Variants in KPNA6 observed in about 807,000 individuals in gnomAD.
KPNA6 encodes the protein karyopherin subunit alpha 6, also known as importin subunit alpha-7.
KPNA6 carries 9 observed loss-of-function variants against 72.0 expected under a neutral mutation model. The ratio of observed to expected loss-of-function variants is 0.13; its 90% CI spans 0.08 to 0.22. The LOEUF is 0.22. Among genes scored for constraint, KPNA6 ranks in the 10% least tolerant of loss-of-function variants. The pLI is 1.00. For missense variants in KPNA6, 374 were observed against 655.7 expected (o/e 0.57, Z 4.69); for synonymous variants, 219 against 242.1 (o/e 0.90, Z 0.89).
intron 1 of KPNA6, among the ~76,000 whole-genome samples, chr1:32,111,460 C>T (rs1021888099): frequency 1.1e-4 from 16 of 152,320 alleles, no homozygotes; most frequent in Non-Finnish European, 2.1e-4. Flanking sequence ...CCAGCTCCAT[C>T]TCAGGTACCT....
At chr1:32,143,816 C>G (rs1641884439) in intron 1 of KPNA6, among the ~76,000 whole-genome samples, 1 of 152,118 alleles carries the variant, frequency 6.6e-6, no homozygotes, top group Non-Finnish European at 1.5e-5. Context: ...GAGTTTGACT[C>G]TAGGTACCTC....
intron 1 of KPNA6, among the ~76,000 whole-genome samples, chr1:32,138,090 G>A (rs373065650): frequency 6.6e-6 from 1 of 150,890 alleles, no homozygotes; most frequent in African/African-American, 2.4e-5. Flanking sequence ...AGCCAAGATC[G>A]TGCCACTGCA....
At chr1:32,162,330 C>T in intron 8 of KPNA6, 31 bp from the exon 9 acceptor site, 2 of 1,552,072 alleles carry the variant, frequency 1.3e-6, no homozygotes, top group African/African-American at 1.4e-5. Context: ...TCTTGTTCCC[C>T]TGTGAGTCTT....
At chr1:32,119,032 A>ATATATATTT (rs1167325052) in intron 1 of KPNA6, among the ~76,000 whole-genome samples, 9 of 40,278 alleles carry the variant, frequency 2.2e-4, no homozygotes, top group South Asian at 2.1e-3. Flanking sequence ...ATATATATAT[A>ATATATATTT]TTTTTTTTTT....
intron 1 of KPNA6, among the ~76,000 whole-genome samples, chr1:32,153,585 A>G (rs1243858500): frequency 6.6e-6 from 1 of 151,530 alleles, no homozygotes; most frequent in East Asian, 1.9e-4. Context: ...AAAAAAAAAA[A>G]AAAAAGAAGA....
At chr1:32,133,079 C>T (rs1013213513) in intron 1 of KPNA6, among the ~76,000 whole-genome samples, 5 of 152,006 alleles carry the variant, frequency 3.3e-5, no homozygotes, top group African/African-American at 1.2e-4. Context: ...TGCGGGGTCT[C>T]ACACCTGTAA....
chr1:32,134,105 T>G (rs972098404), intron 1 of KPNA6, among the ~76,000 whole-genome samples: 16 of 151,094 alleles, frequency 1.1e-4, no homozygotes, highest in African/African-American at 3.9e-4. Flanking sequence ...TTTTTTTTTT[T>G]GTATTTAAAA....
chr1:32,142,882 A>G, intron 1 of KPNA6: 1 of 1,193,992 alleles, frequency 8.4e-7, no homozygotes, highest in South Asian at 1.3e-5. Flanking sequence ...AGTCATAAGC[A>G]AATATTTGTG....
intron 2 of KPNA6, among the ~76,000 whole-genome samples, chr1:32,155,674 C>T (rs1642126518): frequency 2.0e-5 from 3 of 151,516 alleles, no homozygotes; most frequent in Admixed American, 2.0e-4. Flanking sequence ...CTACGCCACC[C>T]CGCCAACAGA....
At chr1:32,161,898 C>T in intron 7 of KPNA6, 49 bp from the exon 8 acceptor site, 1 of 1,405,546 alleles carries the variant, frequency 7.1e-7, no homozygotes, top group Non-Finnish European at 1.0e-6. Context: ...GGCAACAGTC[C>T]TATGCCAAGG....
intron 1 of KPNA6, among the ~76,000 whole-genome samples, chr1:32,141,146 G>T (rs1039196092): frequency 2.0e-5 from 3 of 152,022 alleles, no homozygotes; most frequent in Non-Finnish European, 4.4e-5. Context: ...ATTAATAAAA[G>T]GAAAACTTGT....
intron 1 of KPNA6, among the ~76,000 whole-genome samples, chr1:32,131,910 A>T (rs1337802742): frequency 6.7e-6 from 1 of 150,086 alleles, no homozygotes; most frequent in African/African-American, 2.4e-5. Context: ...ATGAGGATAC[A>T]TTTTCACTTT....
chr1:32,168,637 G>A (rs1642380048), intron 12 of KPNA6, among the ~76,000 whole-genome samples: 1 of 152,216 alleles, frequency 6.6e-6, no homozygotes, highest in Admixed American at 6.5e-5. Context: ...GTTGAGTTAA[G>A]CTTTGAAGGA....
chr1:32,143,108 A>G, intron 1 of KPNA6: 1 of 785,414 alleles, frequency 1.3e-6, no homozygotes, highest in Non-Finnish European at 1.9e-6. Flanking sequence ...TCGGGCCTCA[A>G]AAGGAGTGCA....
chr1:32,162,232 A>G, intron 8 of KPNA6, 129 bp from the exon 9 acceptor site: 2 of 990,626 alleles, frequency 2.0e-6, no homozygotes, highest in Non-Finnish European at 1.5e-6. Context: ...TTAATGTAGT[A>G]GCGATCCCTA....
chr1:32,169,071 C>CG (rs1642388848), intron 12 of KPNA6, among the ~76,000 whole-genome samples: 1 of 151,984 alleles, frequency 6.6e-6, no homozygotes, highest in Non-Finnish European at 1.5e-5. Context: ...AAAGGATAAG[C>CG]GGTTATCAAG....
intron 1 of KPNA6, among the ~76,000 whole-genome samples, chr1:32,132,143 G>A (rs538836726): frequency 9.2e-4 from 139 of 151,858 alleles, no homozygotes; most frequent in African/African-American, 3.1e-3. Flanking sequence ...GCTAATATTT[G>A]TATTTTTAGT....
intron 1 of KPNA6, among the ~76,000 whole-genome samples, chr1:32,108,419 G>A (rs938056195): frequency 6.6e-6 from 1 of 152,258 alleles, no homozygotes; most frequent in African/African-American, 2.4e-5. Context: ...GAGGTAGAAA[G>A]GGGCCTACTC....
At chr1:32,164,486 T>G (rs1642295628) in intron 10 of KPNA6, among the ~76,000 whole-genome samples, 1 of 152,162 alleles carries the variant, frequency 6.6e-6, no homozygotes, top group African/African-American at 2.4e-5. Flanking sequence ...CCATCTTACA[T>G]TCCCACCAAC....
Sources: gnomAD v4.1 joint callset for allele counts (sites outside exome capture counted in the v4.1 genomes callset) on GRCh38, gnomAD v4.1.1 for gene constraint, MANE v1.5 for transcripts, NCBI Gene and HGNC (gene_info 2026-07-23, HGNC 2026-07-21) for gene names.